SND1: variants seen among roughly 807,000 people sequenced by gnomAD.
The protein encoded by SND1 is staphylococcal nuclease and tudor domain containing 1, also known as staphylococcal nuclease domain-containing protein 1.
SND1 carries 38 observed loss-of-function variants against 121.7 expected under a neutral mutation model. The observed-to-expected ratio is 0.31, with a 90% CI of 0.24 to 0.41. The LOEUF (loss-of-function observed/expected upper bound fraction) is 0.41. SND1 is among the 10% of genes least tolerant of loss of function. SND1 has a pLI of 1.00. For synonymous variants in SND1, 401 were observed against 447.4 expected (o/e 0.90, Z 1.31); for missense variants, 868 against 1,184.6 (o/e 0.73, Z 3.92).
At chr7:127,740,937 C>T (rs1052425599) in intron 10 of SND1, among the ~76,000 whole-genome samples, 1 of 152,184 alleles carries the variant, frequency 6.6e-6, no homozygotes, top group African/African-American at 2.4e-5. Flanking sequence ...TATTCTTTTA[C>T]ACTTTGGAGA....
chr7:127,652,564 C>T (rs1291094457), intron 1 of SND1, 113 bp downstream of exon 1: 3 of 879,426 alleles, frequency 3.4e-6, no homozygotes, highest in Admixed American at 2.9e-5. Flanking sequence ...TCCTCTGCCC[C>T]CTTCCTCACT....
At chr7:127,721,524 C>T in intron 10 of SND1, 124 bp downstream of exon 10, 1 of 555,292 alleles carries the variant, frequency 1.8e-6, no homozygotes. Flanking sequence ...TATTTTAAAT[C>T]TCCACAGTAT....
chr7:127,817,277 A>G (rs773682912), intron 11 of SND1, among the ~76,000 whole-genome samples: 13 of 152,240 alleles, frequency 8.5e-5, no homozygotes, highest in Non-Finnish European at 1.9e-4. Flanking sequence ...GATTGTGGTT[A>G]TCTTTCACAG....
At chr7:128,026,960 C>A (rs1201142316) in intron 16 of SND1, 2 of 152,186 alleles carry the variant, frequency 1.3e-5, no homozygotes. Flanking sequence ...GTCTTTCCCC[C>A]ATCATACCTG....
At chr7:128,069,468 G>A (rs751231782) in intron 16 of SND1, among the ~76,000 whole-genome samples, 3 of 152,206 alleles carry the variant, frequency 2.0e-5, no homozygotes, top group Non-Finnish European at 4.4e-5. Flanking sequence ...AGGACTGGGA[G>A]TTGATATCTG....
At chr7:127,862,403 G>A (rs1347129666) in intron 12 of SND1, among the ~76,000 whole-genome samples, 3 of 152,070 alleles carry the variant, frequency 2.0e-5, no homozygotes, top group African/African-American at 4.8e-5. Flanking sequence ...TTCCCCATTT[G>A]CAGCATAATT....
At chr7:127,982,253 G>A (rs1456141855) in intron 15 of SND1, among the ~76,000 whole-genome samples, 1 of 152,074 alleles carries the variant, frequency 6.6e-6, no homozygotes, top group Non-Finnish European at 1.5e-5. Context: ...TGGTTTTCTT[G>A]TTCCAATTCC....
At chr7:127,686,816 G>A in intron 2 of SND1, 54 bp downstream of exon 2, 2 of 1,561,050 alleles carry the variant, frequency 1.3e-6, no homozygotes, top group Non-Finnish European at 1.8e-6. Flanking sequence ...ATAGCCCACT[G>A]TCTTCTGTCG....
At chr7:127,838,242 A>C (rs1191137920) in intron 11 of SND1, among the ~76,000 whole-genome samples, 3 of 152,176 alleles carry the variant, frequency 2.0e-5, no homozygotes, top group African/African-American at 7.2e-5. Flanking sequence ...TTGTTTACTG[A>C]AACTAGGGGC....
At chr7:127,765,285 T>C (rs1584556166) in intron 10 of SND1, among the ~76,000 whole-genome samples, 1 of 152,196 alleles carries the variant, frequency 6.6e-6, no homozygotes, top group African/African-American at 2.4e-5. Context: ...TGAGCATTTC[T>C]GATTTGCATT....
At chr7:127,654,651 AG>A (rs767670066) in intron 1 of SND1, among the ~76,000 whole-genome samples, 33 of 152,234 alleles carry the variant, frequency 2.2e-4, no homozygotes, top group Non-Finnish European at 4.4e-4. Flanking sequence ...GTCTTCACAT[AG>A]GAGTATGGTG....
intron 12 of SND1, among the ~76,000 whole-genome samples, chr7:127,881,894 C>T (rs1325476674): frequency 6.6e-6 from 1 of 152,130 alleles, no homozygotes; most frequent in African/African-American, 2.4e-5. Flanking sequence ...CTGCCTCGCC[C>T]TCCCAAAGTG....
intron 14 of SND1, among the ~76,000 whole-genome samples, chr7:127,912,991 T>C (rs1800491422): frequency 6.6e-6 from 1 of 152,220 alleles, no homozygotes; most frequent in African/African-American, 2.4e-5. Context: ...AGTCTTGTCT[T>C]GGAAAATTCA....
At chr7:127,748,683 A>G (rs925371726) in intron 10 of SND1, among the ~76,000 whole-genome samples, 1 of 152,230 alleles carries the variant, frequency 6.6e-6, no homozygotes, top group African/African-American at 2.4e-5. Flanking sequence ...AGTGAACAAA[A>G]CTACATGAAT....
At chr7:127,668,932 C>G (rs1339986543) in intron 1 of SND1, among the ~76,000 whole-genome samples, 1 of 152,218 alleles carries the variant, frequency 6.6e-6, no homozygotes, top group East Asian at 1.9e-4. Flanking sequence ...ACTGCATTCT[C>G]CCCTCAGTAG....
chr7:127,727,322 G>A (rs1175503321), intron 10 of SND1, among the ~76,000 whole-genome samples: 2 of 152,172 alleles, frequency 1.3e-5, no homozygotes, highest in African/African-American at 4.8e-5. Flanking sequence ...AGGGCTTTTT[G>A]TCAGAGGCAG....
At chr7:128,069,975 G>A (rs1793380568) in intron 16 of SND1, among the ~76,000 whole-genome samples, 1 of 152,186 alleles carries the variant, frequency 6.6e-6, no homozygotes, top group African/African-American at 2.4e-5. Context: ...GCATTGAAGC[G>A]GGCAAAGGTG....
At chr7:127,844,024 A>G (rs1003694739) in intron 11 of SND1, among the ~76,000 whole-genome samples, 6 of 152,172 alleles carry the variant, frequency 3.9e-5, no homozygotes, top group Non-Finnish European at 7.4e-5. Flanking sequence ...TGCCACTTGT[A>G]TGTATTCTTT....
chr7:128,011,777 C>T (rs1470470626), intron 16 of SND1, among the ~76,000 whole-genome samples: 4 of 152,110 alleles, frequency 2.6e-5, no homozygotes, highest in Non-Finnish European at 2.9e-5. Context: ...AGAAAATGAA[C>T]ATATTTTTTA....
Sources: allele counts gnomAD v4.1 joint callset (sites outside exome capture counted in the v4.1 genomes callset), GRCh38; gene constraint gnomAD v4.1.1; transcripts MANE v1.5; gene names NCBI Gene and HGNC (gene_info 2026-07-23, HGNC 2026-07-21).